PARP12: variants seen among roughly 807,000 people sequenced by gnomAD.
PARP12 encodes the protein poly(ADP-ribose) polymerase family member 12.
Under a neutral mutation model 72.4 loss-of-function variants are expected in PARP12, and 59 were observed. The ratio of observed to expected loss-of-function variants is 0.81; its 90% CI spans 0.66 to 1.01. The LOEUF is 1.01. Ranked by LOEUF, PARP12 falls within the 50% of genes least tolerant of loss-of-function variation. The pLI, the probability that PARP12 is intolerant of heterozygous loss-of-function variation, is 0.00. For synonymous variants in PARP12, 403 were observed against 371.4 expected (o/e 1.09, Z -0.98); for missense variants, 851 against 914.0 (o/e 0.93, Z 0.89).
In PARP12 at chr7:140,037,876, A is replaced by G. The variant is rs1195761781; in HGVS notation, c.1183-20T>C. The G allele has an allele frequency of 1.3e-6, 2 of 1,598,154 alleles. No individual in the cohort carries two copies. The highest frequency in any genetic ancestry group is 8.6e-7 in the Non-Finnish European group (1 of 1,167,266). On this transcript the variant is annotated intron_variant, in intron 6 of 11. Coordinates refer to ENST00000263549, the MANE Select transcript of PARP12 (RefSeq NM_022750.4). ...CGTGCCCTGCGATGGAAAGCCAGAC[A>G]CTTTATGAAGGCAAGAAACTGCGTG...
rs78297691 is a variant in PARP12 at position 140,037,852 on chromosome 7, G to A, written c.1187C>T (p.Thr396Met). ...GCTGACAGTGGTCACAGGGTGCACC[G>A]TGCCCTGCGATGGAAAGCCAGACAC... ...GSWQEYGRQG[T>M]VHPVTTVSSS... The change falls in exon 7 of 12, where the codon ACG becomes ATG. Residue 396 changes from threonine (T) to methionine (M), a missense_variant. Around this residue, in one of 3 missense-constraint regions of PARP12, gnomAD observed 12 missense variants for 28.6 expected, o/e 0.42. Transcript: ENST00000263549. The A allele has an allele frequency of 8.7e-6, 14 of 1,605,082 alleles. No individual in the cohort carries two copies. The East Asian group carries it at 1.8e-4, about 21-fold the overall frequency.
chr7:140,049,023 A>C (rs1344020558), intron 4 of PARP12, among the ~76,000 whole-genome samples: 1 of 152,228 alleles, frequency 6.6e-6, no homozygotes, highest in East Asian at 1.9e-4. Flanking sequence ...TGATACTTGA[A>C]AAAAATTAAA....
intron 4 of PARP12, among the ~76,000 whole-genome samples, chr7:140,048,200 A>G (rs1585104860): frequency 6.6e-6 from 1 of 151,334 alleles, no homozygotes; most frequent in South Asian, 2.1e-4. Flanking sequence ...CAACATGCTC[A>G]CTCCTTCCCT....
intron 3 of PARP12, 142 bp downstream of exon 3, chr7:140,056,711 GCAT>G (rs1817192868): frequency 5.0e-6 from 4 of 805,838 alleles, no homozygotes; most frequent in East Asian, 5.3e-5. Flanking sequence ...TGTTAGGAAA[GCAT>G]CATCAACTCC....
At chr7:140,053,416 G>A (rs1353856568) in intron 4 of PARP12, among the ~76,000 whole-genome samples, 1 of 152,108 alleles carries the variant, frequency 6.6e-6, no homozygotes, top group Non-Finnish European at 1.5e-5. Flanking sequence ...AGTAGATCAG[G>A]GGTTTCCTGG....
intron 7 of PARP12, among the ~76,000 whole-genome samples, chr7:140,036,633 C>T (rs948083837): frequency 4.6e-5 from 7 of 152,076 alleles, no homozygotes; most frequent in Admixed American, 1.3e-4. Flanking sequence ...ATAGAATAAA[C>T]GTCTGCAAAA....
At chr7:140,034,833 C>A (rs1816085806) in intron 7 of PARP12, 1 of 154,430 alleles carries the variant, frequency 6.5e-6, no homozygotes, top group South Asian at 2.0e-4. Flanking sequence ...GAATCCCATA[C>A]TCATCCTGAG....
chr7:140,035,634 C>A (rs898680769), intron 7 of PARP12, among the ~76,000 whole-genome samples: 9 of 152,192 alleles, frequency 5.9e-5, no homozygotes, highest in Non-Finnish European at 1.3e-4. Flanking sequence ...CCTAAAAGGG[C>A]AGAACTGAAT....
chr7:140,024,605 G>T lies in PARP12; in HGVS notation c.2061C>A (p.Pro687=). The change falls in exon 12 of 12, where the codon CCC becomes CCA. Residue 687 remains proline, a synonymous_variant. Transcript: ENST00000263549. The part of the protein sequence containing the change: ...YTTSSKPSVT[P]SILLALGSLF... ...GGGAGCCCAAGGCCAGCAGGATGGAGGGTGTGACCGAGGGCTTGGAGGAGG... is the reference window on the plus strand; with the variant it reads ...GGGAGCCCAAGGCCAGCAGGATGGATGGTGTGACCGAGGGCTTGGAGGAGG... 1 of 1,614,208 alleles carries T rather than the reference G, an allele frequency of 6.2e-7. No homozygotes were observed. Among genetic ancestry groups the T allele is most frequent in the Non-Finnish European group, 8.5e-7 (1 of 1,180,038 alleles).
chr7:140,059,361 TACACACACACACAC>T (rs36173318), intron 1 of PARP12, among the ~76,000 whole-genome samples: 4 of 148,376 alleles, frequency 2.7e-5, no homozygotes, highest in Non-Finnish European at 4.5e-5. Flanking sequence ...CAGGCGTGTA[TACACACACACACAC>T]ACACACACAC....
In PARP12 at chr7:140,062,538, T is replaced by G; in HGVS notation, c.310A>C (p.Lys104Gln). The change falls in exon 1 of 12, where the codon AAG becomes CAG. Residue 104 changes from lysine (K) to glutamine (Q), a missense_variant. Lys to Gln is a moderately conservative substitution (Grantham distance 53). Coordinates refer to ENST00000263549, the MANE Select transcript of PARP12 (RefSeq NM_022750.4). ...LCRFMVYGAC[K>Q]FLRAGKNCRN... The stretch of plus-strand genomic sequence containing the variant: ...GCGCCTTACCCGGCTCTCAGGAACT[T>G]GCAGGCGCCGTAGACCATGAACCTG... 12 of 1,553,706 alleles carry G rather than the reference T, an allele frequency of 7.7e-6. No homozygotes were observed. Among genetic ancestry groups the G allele is most frequent in the Non-Finnish European group, 9.5e-6 (11 of 1,154,208 alleles).
chr7:140,046,757 T>TGTGTGTGTGTGTCACA, intron 5 of PARP12, 127 bp downstream of exon 5: 1 of 833,548 alleles, frequency 1.2e-6, no homozygotes, highest in South Asian at 1.8e-5. Flanking sequence ...TGTGTGTGTG[T>TGTGTGTGTGTGTCACA]CACACACAGA....
In PARP12 at chr7:140,062,773, C is replaced by A; in HGVS notation, c.75G>T (p.Glu25Asp). The change falls in exon 1 of 12, where the codon GAG (glutamate) becomes GAT (aspartate). Residue 25 changes from glutamate to aspartate, a missense_variant. Coordinates refer to ENST00000263549, the MANE Select transcript of PARP12 (RefSeq NM_022750.4). Reference sequence around the variant, plus strand: ...AGCCCATCCGCAAGCGGCGCCGCAGCTCGGGCAACTCCAGGGCGCCCCCGG... The same window carrying A: ...AGCCCATCCGCAAGCGGCGCCGCAGATCGGGCAACTCCAGGGCGCCCCCGG... ...CAAGGALELP[E>D]LRRRLRMGLS... The A allele has an allele frequency of 1.4e-6, 2 of 1,400,672 alleles. No homozygotes were observed. Among genetic ancestry groups the A allele is most frequent in the Non-Finnish European group, 1.9e-6 (2 of 1,073,440 alleles). 86.8% of individuals were successfully genotyped at this position (1,400,672 alleles called of 1,614,324 possible).
chr7:140,027,560 G>A (rs775847334), intron 9 of PARP12, 154 bp from the exon 10 acceptor site: 6 of 825,396 alleles, frequency 7.3e-6, no homozygotes, highest in African/African-American at 1.7e-5. Context: ...AGGCACAGGA[G>A]ACAATCGGTC....
chr7:140,040,182 G>A (rs118024774), intron 6 of PARP12, among the ~76,000 whole-genome samples: 2,579 of 152,236 alleles, frequency 0.017, 34 homozygotes, highest in Non-Finnish European at 0.027. Context: ...CAGGAGAGCC[G>A]GGATTCCCGG....
At position 140,024,734 on chromosome 7, in the gene PARP12, G is replaced by A; in HGVS notation, c.1932C>T (p.Ser644=). The A allele has an allele frequency of 6.2e-7, 1 of 1,614,186 alleles. No homozygotes were observed. The highest frequency in any genetic ancestry group is 8.5e-7 in the Non-Finnish European group (1 of 1,180,048). ...FVRPPAKEGW[S]NAFYDSCVNS... ...TCACGCAGCTATCATAGAAGGCGTT[G>A]CTCCAGCCCTCCTTGGCCGGCGGAC... The change falls in exon 12 of 12, where the codon AGC becomes AGT. Residue 644 remains serine, a synonymous_variant. Transcript: ENST00000263549.
intron 1 of PARP12, 28 bp from the exon 2 acceptor site, chr7:140,058,062 T>C (rs768553475): frequency 5.6e-6 from 9 of 1,613,562 alleles, no homozygotes; most frequent in Non-Finnish European, 5.9e-6. Flanking sequence ...TGGTGTTATA[T>C]GTCGAATTGA....
chr7:140,035,416 G>A (rs1816110430), intron 7 of PARP12, among the ~76,000 whole-genome samples: 1 of 152,202 alleles, frequency 6.6e-6, no homozygotes, highest in African/African-American at 2.4e-5. Context: ...TACGTGGACT[G>A]GCTAAATGTG....
chr7:140,037,586 G>C, intron 7 of PARP12, 129 bp downstream of exon 7: 1 of 1,311,780 alleles, frequency 7.6e-7, no homozygotes, highest in South Asian at 1.4e-5. Flanking sequence ...CCTTGGACCT[G>C]GTACCTTGCT....
Sources: allele counts gnomAD v4.1 joint callset (sites outside exome capture counted in the v4.1 genomes callset), GRCh38; gene constraint gnomAD v4.1.1; regional missense constraint gnomAD v4.1.1; transcripts MANE v1.5; gene names NCBI Gene and HGNC (gene_info 2026-07-23, HGNC 2026-07-21).